Variants in ELOC observed in about 807,000 individuals in gnomAD.
ELOC encodes elongin-C.
For synonymous variants in ELOC, 40 were observed against 51.3 expected (o/e 0.78, Z 0.94); for missense variants, 38 against 139.0 (o/e 0.27, Z 3.65).
intron 3 of ELOC, 23 bp from the exon 4 acceptor site, chr8:73,946,843 AT>A: frequency 6.3e-7 from 1 of 1,596,914 alleles, no homozygotes; most frequent in South Asian, 1.1e-5. Flanking sequence ...AGAATTATGT[AT>A]GTTATTGGCT....
intron 3 of ELOC, among the ~76,000 whole-genome samples, chr8:73,948,890 ATTTCAGG>A (rs1813566932): frequency 2.6e-5 from 4 of 152,226 alleles, no homozygotes; most frequent in African/African-American, 9.6e-5. Context: ...CAAAAGAAAC[ATTTCAGG>A]AAAGGAATTC....
At chr8:73,967,439 A>T (rs1815065830) in intron 1 of ELOC, among the ~76,000 whole-genome samples, 1 of 151,938 alleles carries the variant, frequency 6.6e-6, no homozygotes, top group Non-Finnish European at 1.5e-5. Flanking sequence ...TATGGGCAAA[A>T]AAGGGTACAT....
chr8:73,952,791 T>C (rs1269463541), intron 3 of ELOC, among the ~76,000 whole-genome samples: 5 of 146,688 alleles, frequency 3.4e-5, no homozygotes, highest in East Asian at 2.0e-4. Context: ...AAAAAATCTA[T>C]GGAATGGGAG....
In ELOC at chr8:73,959,733, T is replaced by C. The variant is rs776828002; in HGVS notation, c.4+32A>G. 11 of 1,532,798 alleles carry C rather than the reference T, an allele frequency of 7.2e-6. No individual in the cohort carries two copies. In the Admixed American group the frequency reaches 1.7e-4, roughly 24 times the overall value. The allele number at this position is 1,532,798 out of a possible 1,614,324, so 94.9% of individuals were successfully genotyped here. ...TGAAACAAAGTCCAGTTTCTACTAG[T>C]TAAAACACAAAATTAATTATCTTTA... On this transcript the variant is annotated intron_variant, in intron 2 of 3. Transcript: ENST00000520242.
intron 1 of ELOC, among the ~76,000 whole-genome samples, chr8:73,961,518 CTTT>C (rs796160550): frequency 1.4e-5 from 2 of 145,698 alleles, no homozygotes; most frequent in African/African-American, 2.5e-5. Context: ...ATCACTCTCT[CTTT>C]TTTTTTTTTT....
At chr8:73,958,431 T>C (rs569126655) in intron 2 of ELOC, among the ~76,000 whole-genome samples, 2 of 152,168 alleles carry the variant, frequency 1.3e-5, no homozygotes, top group Non-Finnish European at 2.9e-5. Context: ...TTTTGCCAAC[T>C]CTACAATATG....
chr8:73,966,096 C>T (rs1014476955), intron 1 of ELOC, among the ~76,000 whole-genome samples: 24 of 152,152 alleles, frequency 1.6e-4, no homozygotes, highest in African/African-American at 5.1e-4. Context: ...AATCAGTTTA[C>T]AGATTCATTC....
intron 1 of ELOC, among the ~76,000 whole-genome samples, chr8:73,960,220 AAGGCAG>A (rs1463586173): frequency 6.6e-6 from 1 of 152,210 alleles, no homozygotes; most frequent in Non-Finnish European, 1.5e-5. Flanking sequence ...GAGGTGTTTT[AAGGCAG>A]AGGTCCTTTA....
At chr8:73,960,265 A>C (rs2131142436) in intron 1 of ELOC, among the ~76,000 whole-genome samples, 1 of 152,338 alleles carries the variant, frequency 6.6e-6, no homozygotes, top group East Asian at 1.9e-4. Flanking sequence ...GCCTCCGTTG[A>C]AAATCCAAAC....
chr8:73,946,940 G>T (rs1813416228), intron 3 of ELOC, 120 bp from the exon 4 acceptor site: 1 of 784,000 alleles, frequency 1.3e-6, no homozygotes, highest in Non-Finnish European at 2.0e-6. Flanking sequence ...GTTCTTTAAA[G>T]AGGTAATTAA....
intron 3 of ELOC, among the ~76,000 whole-genome samples, chr8:73,953,822 A>T (rs913224138): frequency 6.6e-6 from 1 of 152,192 alleles, no homozygotes; most frequent in Admixed American, 6.6e-5. Context: ...CATATGATCA[A>T]GCAACTGCAC....
chr8:73,961,078 TA>T, intron 1 of ELOC, among the ~76,000 whole-genome samples: 1 of 152,338 alleles, frequency 6.6e-6, no homozygotes, highest in African/African-American at 2.4e-5. Flanking sequence ...ATAAAGTGGT[TA>T]AAAATGTACA....
chr8:73,956,177 G>A, intron 2 of ELOC, 123 bp from the exon 3 acceptor site: 1 of 866,718 alleles, frequency 1.2e-6, no homozygotes, highest in Non-Finnish European at 1.8e-6. Flanking sequence ...AATCACCTGA[G>A]GTCAGGAGTT....
At chr8:73,971,328 G>A (rs1425851834) in intron 1 of ELOC, among the ~76,000 whole-genome samples, 4 of 152,168 alleles carry the variant, frequency 2.6e-5, no homozygotes, top group African/African-American at 9.7e-5. Flanking sequence ...TTGAACCTGG[G>A]AGGCAGAGGT....
intron 1 of ELOC, among the ~76,000 whole-genome samples, chr8:73,970,269 A>G (rs1815263335): frequency 6.6e-6 from 1 of 152,244 alleles, no homozygotes; most frequent in East Asian, 1.9e-4. Flanking sequence ...TGAGCATAAT[A>G]GCAAAGATTT....
intron 3 of ELOC, among the ~76,000 whole-genome samples, chr8:73,949,255 C>T (rs1813595408): frequency 6.6e-6 from 1 of 152,174 alleles, no homozygotes; most frequent in South Asian, 2.1e-4. Context: ...CTGCGGGACT[C>T]AGCAAATAAT....
chr8:73,959,403 GCTT>G (rs1367459224), intron 2 of ELOC, among the ~76,000 whole-genome samples: 1 of 151,860 alleles, frequency 6.6e-6, no homozygotes, highest in Non-Finnish European at 1.5e-5. Context: ...TATTCTATAT[GCTT>G]TTTTCTATTT....
At chr8:73,961,228 T>C (rs945028669) in intron 1 of ELOC, among the ~76,000 whole-genome samples, 2 of 152,248 alleles carry the variant, frequency 1.3e-5, no homozygotes, top group Non-Finnish European at 2.9e-5. Context: ...TACTCTTTTT[T>C]ACGTCATTAA....
Position 73,955,975 on chromosome 8 carries a change from T to G in ELOC, c.84A>C (p.Glu28Asp). ...YVKLISSDGHEFIVKREHALT... is the reference protein window; with the variant it reads ...YVKLISSDGHDFIVKREHALT... Reference sequence around the variant, plus strand: ...ATGCATGTTCTCTTTTTACAATAAATTCATGGCCATCAGATGATATCAATT... The same window carrying G: ...ATGCATGTTCTCTTTTTACAATAAAGTCATGGCCATCAGATGATATCAATT... The change falls in exon 3 of 4, where the codon GAA becomes GAC. Residue 28 changes from glutamate to aspartate, a missense_variant. Transcript: ENST00000520242. 5 of 1,614,096 alleles carry G rather than the reference T, an allele frequency of 3.1e-6. No individual in the cohort carries two copies. Among genetic ancestry groups the G allele is most frequent in the Non-Finnish European group, 4.2e-6 (5 of 1,179,970 alleles).
Sources: gnomAD v4.1 joint callset for allele counts (sites outside exome capture counted in the v4.1 genomes callset) on GRCh38, gnomAD v4.1.1 for gene constraint, MANE v1.5 for transcripts, NCBI Gene and HGNC (gene_info 2026-07-23, HGNC 2026-07-21) for gene names.